CDH13: variants seen among roughly 807,000 people sequenced by gnomAD.
CDH13 encodes the protein cadherin-13.
CDH13 carries 24 observed loss-of-function variants against 63.8 expected under a neutral mutation model. The observed-to-expected ratio is 0.38, with a 90% CI of 0.27 to 0.53. CDH13 has a LOEUF of 0.53. Ranked by LOEUF, CDH13 falls within the 20% of genes least tolerant of loss-of-function variation. CDH13 has a pLI of 0.85. For missense variants in CDH13, 1,049 were observed against 903.1 expected, an observed-to-expected ratio of 1.16 and a Z score of -2.07; for synonymous variants, 503 against 355.3, an observed-to-expected ratio of 1.42 and a Z score of -4.67.
chr16:82,627,587 T>C lies in CDH13; in HGVS notation c.45+450T>C, dbSNP rs1025339896. Among the ~76,000 whole-genome samples, 4 of 152,038 alleles carry C rather than the reference T, an allele frequency of 2.6e-5. No homozygotes were observed. The South Asian group carries it at 6.2e-4, about 24-fold the overall frequency. On this transcript the variant is annotated intron_variant, in intron 1 of 13. Coordinates refer to ENST00000567109, the MANE Select transcript of CDH13 (RefSeq NM_001257.5). ...GGCCGAAGCGCTGCTCGGGTCCGGA[T>C]TGCGGGATGCGGGGCTGGAGAGGCC...
chr16:83,019,317 G>T (rs1271773536), intron 2 of CDH13, among the ~76,000 whole-genome samples: 2 of 151,580 alleles, frequency 1.3e-5, no homozygotes. Context: ...ACATACATTT[G>T]CCTAGGCCTA....
At chr16:83,487,896 C>A (rs968318502) in intron 7 of CDH13, among the ~76,000 whole-genome samples, 2 of 152,200 alleles carry the variant, frequency 1.3e-5, no homozygotes, top group Middle Eastern at 3.2e-3. Flanking sequence ...TCAACCCCTT[C>A]TAAGAAGCTG....
chr16:83,520,747 G>A (rs1248408918), intron 7 of CDH13, among the ~76,000 whole-genome samples: 1 of 152,152 alleles, frequency 6.6e-6, no homozygotes, highest in East Asian at 1.9e-4. Context: ...TTTAGAGCCA[G>A]AACAGGACGT....
At chr16:83,448,714 T>C (rs2072785491) in intron 6 of CDH13, among the ~76,000 whole-genome samples, 1 of 152,172 alleles carries the variant, frequency 6.6e-6, no homozygotes, top group Non-Finnish European at 1.5e-5. Context: ...GATGCATTCA[T>C]TCCATGCCTG....
At chr16:83,560,208 T>C (rs1180271778) in intron 7 of CDH13, among the ~76,000 whole-genome samples, 7 of 152,210 alleles carry the variant, frequency 4.6e-5, no homozygotes, top group Non-Finnish European at 1.0e-4. Flanking sequence ...TGGAATATAG[T>C]AGACATATTC....
intron 2 of CDH13, among the ~76,000 whole-genome samples, chr16:82,971,460 C>T (rs1302793041): frequency 1.3e-5 from 2 of 152,174 alleles, no homozygotes; most frequent in Admixed American, 6.5e-5. Flanking sequence ...GTATCATCAC[C>T]TGTATTTTAA....
chr16:83,174,951 C>T (rs541891867), intron 4 of CDH13, among the ~76,000 whole-genome samples: 3 of 152,090 alleles, frequency 2.0e-5, no homozygotes, highest in Non-Finnish European at 2.9e-5. Flanking sequence ...CCCCCATGAT[C>T]CAGTCCTCTC....
At chr16:83,159,366 A>C (rs1238804470) in intron 4 of CDH13, among the ~76,000 whole-genome samples, 2 of 152,168 alleles carry the variant, frequency 1.3e-5, no homozygotes, top group Non-Finnish European at 2.9e-5. Flanking sequence ...CTGAATCCAC[A>C]GTTTTATTTT....
At position 83,517,052 on chromosome 16, in the gene CDH13, G is replaced by A. The variant is rs185136419; in HGVS notation, c.960+30397G>A. Among the ~76,000 whole-genome samples, 162 of 152,324 alleles carry A rather than the reference G, an allele frequency of 1.1e-3. 1 individual carries two copies. Among genetic ancestry groups the A allele is most frequent in the Non-Finnish European group, 2.1e-4 (14 of 68,036 alleles). ...ATACATTGACTGTCGTGTTTTCCCA[G>A]TTGTAGGTCTTGTAATTCTGGCAAA... On this transcript the variant is annotated intron_variant, in intron 7 of 13. Transcript: ENST00000567109.
chr16:83,539,385 C>T (rs1209404348), intron 7 of CDH13, among the ~76,000 whole-genome samples: 2 of 152,158 alleles, frequency 1.3e-5, no homozygotes, highest in South Asian at 2.1e-4. Context: ...TTGCCACTCC[C>T]CTCCTGCTGT....
rs925877487 is a variant in CDH13, at chr16:82,746,226, GTGTTTATATATAAACACAC to G, written c.46-112123_46-112105del. Among the ~76,000 whole-genome samples the G allele has an allele frequency of 2.7e-5, 4 of 150,152 alleles. No homozygotes were observed. In the South Asian group the frequency reaches 6.3e-4, roughly 24 times the overall value. ...ATATAAACACACTGTTTATATATAT[GTGTTTATATATAAACACAC>G]TGTTTATATATATGTGTTTATATAT... On this transcript the variant is annotated intron_variant, in intron 1 of 13. Transcript: ENST00000567109.
chr16:82,781,694 C>T (rs1267452242), intron 1 of CDH13, among the ~76,000 whole-genome samples: 1 of 152,212 alleles, frequency 6.6e-6, no homozygotes, highest in East Asian at 1.9e-4. Context: ...CCACTTACCT[C>T]CCCTCTCATC....
intron 3 of CDH13, among the ~76,000 whole-genome samples, chr16:83,088,659 A>T (rs1249860979): frequency 2.6e-5 from 4 of 152,238 alleles, no homozygotes; most frequent in African/African-American, 9.6e-5. Context: ...ATATAATCAG[A>T]ACTTTTCCAA....
intron 8 of CDH13, among the ~76,000 whole-genome samples, chr16:83,643,741 T>A (rs9930272): frequency 0.14 from 21,035 of 152,176 alleles, 1,591 homozygotes; most frequent in East Asian, 0.25. Context: ...TCAGTCCAGG[T>A]TTCCTACCAA....
rs559265404 is a variant in CDH13 at position 83,168,368 on chromosome 16, T to C, written c.483+42867T>C. Among the ~76,000 whole-genome samples the C allele has an allele frequency of 3.3e-5, 5 of 152,124 alleles. No homozygotes were observed. The East Asian group carries it at 9.7e-4, about 29-fold the overall frequency. On this transcript the variant is annotated intron_variant, in intron 4 of 13. Transcript: ENST00000567109. Reference sequence around the variant, plus strand: ...TCAAACACGCATACATGTATGTATGTGTATATATATACACACACATATATT... The same window carrying C: ...TCAAACACGCATACATGTATGTATGCGTATATATATACACACACATATATT...
chr16:83,500,001 C>T (rs1021177530), intron 7 of CDH13, among the ~76,000 whole-genome samples: 1 of 152,014 alleles, frequency 6.6e-6, no homozygotes, highest in Non-Finnish European at 1.5e-5. Context: ...TGGGGTTTCA[C>T]CATGTTGGCC....
At position 82,670,280 on chromosome 16, in the gene CDH13, C is replaced by T. The variant is rs944439017; in HGVS notation, c.45+43143C>T. Among the ~76,000 whole-genome samples the T allele has an allele frequency of 2.0e-5, 3 of 152,314 alleles. No homozygotes were observed. The Middle Eastern group carries it at 0.01, about 518-fold the overall frequency. On this transcript the variant is annotated intron_variant, in intron 1 of 13. Coordinates refer to ENST00000567109, the MANE Select transcript of CDH13 (RefSeq NM_001257.5). ...ATCATCTAGAGGGATCAGGAAATAA[C>T]CCAAAGGTTTGGTAGGCGACTTAGA...
intron 10 of CDH13, among the ~76,000 whole-genome samples, chr16:83,719,742 T>A (rs1364458184): frequency 6.6e-6 from 1 of 152,146 alleles, no homozygotes; most frequent in Non-Finnish European, 1.5e-5. Context: ...CAGATACCAT[T>A]ATACCAGATG....
intron 3 of CDH13, among the ~76,000 whole-genome samples, chr16:83,060,582 A>G (rs933973679): frequency 3.3e-5 from 5 of 152,188 alleles, no homozygotes; most frequent in African/African-American, 9.6e-5. Context: ...GTTAAGTAAC[A>G]TTCCCACTGC....
Sources: allele counts gnomAD v4.1 joint callset (sites outside exome capture counted in the v4.1 genomes callset), GRCh38; gene constraint gnomAD v4.1.1; transcripts MANE v1.5; gene names NCBI Gene and HGNC (gene_info 2026-07-23, HGNC 2026-07-21).